LDLRAD3: variants seen among roughly 807,000 people sequenced by gnomAD.
LDLRAD3 encodes low-density lipoprotein receptor class A domain-containing protein 3.
A neutral mutation model predicts 29.4 loss-of-function variants in LDLRAD3; 20 were observed. That is an observed-to-expected ratio of 0.68 (90% confidence interval 0.48 to 0.99). The LOEUF (loss-of-function observed/expected upper bound fraction) is 0.99, where lower values mean the gene tolerates loss of function less well. LDLRAD3 is among the 50% of genes least tolerant of loss of function. The probability of loss-of-function intolerance (pLI) is 0.00; values close to 1 mark genes in which losing one functional copy is unlikely to be tolerated. For missense variants in LDLRAD3, 420 were observed against 454.3 expected (o/e 0.92, Z 0.69); for synonymous variants, 157 against 192.7 (o/e 0.81, Z 1.53).
intron 1 of LDLRAD3, among the ~76,000 whole-genome samples, chr11:35,981,080 A>G (rs112416593): frequency 0.027 from 4,038 of 152,246 alleles, 93 homozygotes; most frequent in Middle Eastern, 0.075. Flanking sequence ...AAAAACAAAT[A>G]TAAGTAAGTT....
intron 4 of LDLRAD3, among the ~76,000 whole-genome samples, chr11:36,110,612 G>A (rs1853592163): frequency 1.3e-5 from 2 of 152,152 alleles, no homozygotes; most frequent in Non-Finnish European, 2.9e-5. Flanking sequence ...AACACCCTTT[G>A]ACTCTCTTGG....
chr11:36,040,452 T>C (rs1348314647), intron 2 of LDLRAD3, among the ~76,000 whole-genome samples: 1 of 152,054 alleles, frequency 6.6e-6, no homozygotes, highest in African/African-American at 2.4e-5. Flanking sequence ...GGGTGTACAG[T>C]TTTATATTTT....
At chr11:35,964,297 A>T (rs1851312488) in intron 1 of LDLRAD3, among the ~76,000 whole-genome samples, 1 of 152,254 alleles carries the variant, frequency 6.6e-6, no homozygotes, top group Non-Finnish European at 1.5e-5. Context: ...TGAGGTCAAG[A>T]CTGTCATGAT....
intron 4 of LDLRAD3, chr11:36,196,885 C>G (rs1855041288): frequency 6.6e-6 from 1 of 152,204 alleles, no homozygotes; most frequent in Non-Finnish European, 1.5e-5. Flanking sequence ...TGGTAGCTCC[C>G]TATCCATTCT....
intron 4 of LDLRAD3, among the ~76,000 whole-genome samples, chr11:36,113,776 C>A (rs995886488): frequency 6.6e-6 from 1 of 150,964 alleles, no homozygotes; most frequent in African/African-American, 2.4e-5. Flanking sequence ...CAGGTTCATG[C>A]GATTCTCCTG....
chr11:36,003,713 C>T (rs899334004), intron 1 of LDLRAD3, among the ~76,000 whole-genome samples: 14 of 152,040 alleles, frequency 9.2e-5, no homozygotes, highest in African/African-American at 3.4e-4. Context: ...TTGTATTAGT[C>T]CGTTTTCACA....
At chr11:36,036,315 T>C (rs1418504963) in intron 2 of LDLRAD3, 66 bp downstream of exon 2, 2 of 1,593,376 alleles carry the variant, frequency 1.3e-6, no homozygotes, top group Non-Finnish European at 1.7e-6. Flanking sequence ...GAGCAGGTCC[T>C]GAGCAGGCTT....
chr11:35,969,538 T>C lies in LDLRAD3; in HGVS notation c.46+25394T>C, dbSNP rs557831582. Among the ~76,000 whole-genome samples the C allele has an allele frequency of 5.3e-5, 8 of 152,362 alleles. No individual in the cohort carries two copies. In the South Asian group the frequency reaches 1.7e-3, roughly 32 times the overall value. ...CCGAGCAGAGAATGGGAAAAAGCTT[T>C]GCCCATGATTTATTAATCACTTCCT... On this transcript the variant is annotated intron_variant, in intron 1 of 5. Coordinates refer to ENST00000315571, the MANE Select transcript of LDLRAD3 (RefSeq NM_174902.4).
chr11:36,155,682 A>G (rs1276142473), intron 4 of LDLRAD3, among the ~76,000 whole-genome samples: 1 of 152,250 alleles, frequency 6.6e-6, no homozygotes, highest in Non-Finnish European at 1.5e-5. Context: ...CACTTAGCCT[A>G]GTTCAAGAAC....
In LDLRAD3 at chr11:36,144,353, C is replaced by T. The variant is rs923522401; in HGVS notation, c.454+45892C>T. ...TGCAGCCTCTGCCCGGCCGCCACCCCGTCTGGGAAGTGAGGAGTGTCTCTG... is the reference window on the plus strand; with the variant it reads ...TGCAGCCTCTGCCCGGCCGCCACCCTGTCTGGGAAGTGAGGAGTGTCTCTG... On this transcript the variant is annotated intron_variant, in intron 4 of 5. Transcript: ENST00000315571. Among the ~76,000 whole-genome samples, 522 of 146,922 alleles carry T rather than the reference C, an allele frequency of 3.6e-3. 5 individuals carry two copies. Among genetic ancestry groups the T allele is most frequent in the South Asian group, 0.017 (70 of 4,202 alleles).
chr11:36,034,128 C>T (rs1197858000), intron 1 of LDLRAD3, among the ~76,000 whole-genome samples: 1 of 151,976 alleles, frequency 6.6e-6, no homozygotes, highest in Admixed American at 6.6e-5. Context: ...TAGATGCTAC[C>T]CTCTTTCTCG....
At chr11:35,953,003 T>C (rs1851156577) in intron 1 of LDLRAD3, among the ~76,000 whole-genome samples, 1 of 152,182 alleles carries the variant, frequency 6.6e-6, no homozygotes, top group Non-Finnish European at 1.5e-5. Context: ...AGTGATGTCT[T>C]GTGAGAAAGT....
intron 4 of LDLRAD3, among the ~76,000 whole-genome samples, chr11:36,118,671 T>A (rs894802802): frequency 2.6e-5 from 4 of 152,220 alleles, no homozygotes; most frequent in African/African-American, 9.7e-5. Flanking sequence ...AGGGTTTTTT[T>A]AACAGCTTTA....
chr11:36,038,878 G>T (rs1273466775), intron 2 of LDLRAD3, among the ~76,000 whole-genome samples: 2 of 151,942 alleles, frequency 1.3e-5, no homozygotes, highest in Admixed American at 1.3e-4. Context: ...TCTTTAAATC[G>T]TGAAAACAGA....
chr11:36,117,506 C>T (rs755075872), intron 4 of LDLRAD3, among the ~76,000 whole-genome samples: 2 of 152,234 alleles, frequency 1.3e-5, no homozygotes, highest in African/African-American at 4.8e-5. Context: ...CACTGTGACT[C>T]TCTGTATCTC....
At chr11:36,112,043 A>G (rs962870790) in intron 4 of LDLRAD3, among the ~76,000 whole-genome samples, 6 of 152,218 alleles carry the variant, frequency 3.9e-5, no homozygotes, top group African/African-American at 1.4e-4. Context: ...GCTGTTATTG[A>G]AACCCTCCTT....
chr11:36,216,697 A>AG (rs1238745756), intron 4 of LDLRAD3, among the ~76,000 whole-genome samples: 1 of 152,130 alleles, frequency 6.6e-6, no homozygotes, highest in African/African-American at 2.4e-5. Flanking sequence ...ACAAAAAAGG[A>AG]GGGGGGAAGG....
chr11:35,949,662 A>G (rs550334855), intron 1 of LDLRAD3, among the ~76,000 whole-genome samples: 10 of 152,250 alleles, frequency 6.6e-5, no homozygotes, highest in African/African-American at 2.4e-4. Context: ...ACTTTATAAC[A>G]CTTCAGTTCC....
intron 4 of LDLRAD3, among the ~76,000 whole-genome samples, chr11:36,151,015 G>A (rs114377680): frequency 1.3e-4 from 20 of 152,208 alleles, no homozygotes; most frequent in African/African-American, 4.6e-4. Flanking sequence ...AAAGTTCTCC[G>A]AGGTCTGATC....
Sources: gnomAD v4.1 joint callset for allele counts (sites outside exome capture counted in the v4.1 genomes callset) on GRCh38, gnomAD v4.1.1 for gene constraint, MANE v1.5 for transcripts, NCBI Gene and HGNC (gene_info 2026-07-23, HGNC 2026-07-21) for gene names.